Variants in ATP2B4 observed in about 807,000 individuals in gnomAD.
ATP2B4 encodes ATPase plasma membrane Ca2+ transporting 4.
ATP2B4 carries 39 observed loss-of-function variants against 110.3 expected under a neutral mutation model. The observed-to-expected ratio is 0.35, with a 90% CI of 0.27 to 0.46. The LOEUF is 0.46. Ranked by LOEUF, ATP2B4 falls within the 20% of genes least tolerant of loss-of-function variation. The probability of loss-of-function intolerance (pLI) is 1.00; values close to 1 mark genes in which losing one functional copy is unlikely to be tolerated. For synonymous variants in ATP2B4, 538 were observed against 571.7 expected (o/e 0.94, Z 0.84); for missense variants, 1,135 against 1,530.9 (o/e 0.74, Z 4.32).
At chr1:203,703,510 G>A in intron 7 of ATP2B4, 142 bp from the exon 8 acceptor site, 1 of 851,988 alleles carries the variant, frequency 1.2e-6, no homozygotes. Context: ...TGTCTAGCAT[G>A]GGTTGGAAGT....
chr1:203,722,371 A>T, intron 17 of ATP2B4, 107 bp from the exon 18 acceptor site: 1 of 858,120 alleles, frequency 1.2e-6, no homozygotes, highest in Non-Finnish European at 1.9e-6. Context: ...GATATTGATT[A>T]ATTAGAATGG....
chr1:203,672,451 C>T (rs898751606), intron 1 of ATP2B4, among the ~76,000 whole-genome samples: 5 of 150,642 alleles, frequency 3.3e-5, no homozygotes, highest in Admixed American at 1.3e-4. Context: ...ATAGCTTTAC[C>T]GTCGCTGGGC....
chr1:203,723,461 C>CTCTCTCT (rs1666407930), intron 18 of ATP2B4, among the ~76,000 whole-genome samples: 2 of 67,670 alleles, frequency 3.0e-5, no homozygotes, highest in African/African-American at 1.0e-4. Flanking sequence ...TCTCTCTCTC[C>CTCTCTCT]CTCTGCCTCT....
chr1:203,721,296 T>C lies in ATP2B4; in HGVS notation c.2698T>C (p.Leu900=). 1.2e-6 allele frequency: 2 copies of C among 1,614,260 alleles called. No homozygotes were observed. The highest frequency in any genetic ancestry group is 1.7e-6 in the Non-Finnish European group (2 of 1,180,044). Residue 900 remains leucine, a synonymous_variant, in exon 17 of 21, where the codon TTG becomes CTG. Coordinates refer to ENST00000357681, the MANE Select transcript of ATP2B4 (RefSeq NM_001684.5). ...CACAGAGCCCCCTACGGAATCTCTG[T>C]TGAAGCGGCGCCCCTATGGCCGAAA... ...LATEPPTESL[L]KRRPYGRNKP...
rs1342358911 is a variant in ATP2B4 at position 203,739,814 on chromosome 1, A to G, written c.3578A>G (p.Gln1193Arg). ...AVDCNQVQLPQSDSSLQSLET... is the reference protein window; with the variant it reads ...AVDCNQVQLPRSDSSLQSLET... ...GATTGCAACCAAGTGCAGCTCCCCC[A>G]GTCGGACAGCTCTCTACAGAGCCTA... The change falls in exon 21 of 21, where the codon CAG becomes CGG. Residue 1193 changes from glutamine (Q) to arginine (R), a missense_variant. Transcript: ENST00000357681. 4.3e-6 allele frequency: 7 copies of G among 1,614,146 alleles called. No homozygotes were observed. The highest frequency in any genetic ancestry group is 1.7e-6 in the Non-Finnish European group (2 of 1,180,024).
At chr1:203,666,491 G>A (rs1664506957) in intron 1 of ATP2B4, among the ~76,000 whole-genome samples, 1 of 152,156 alleles carries the variant, frequency 6.6e-6, no homozygotes, top group South Asian at 2.1e-4. Context: ...AGAGTCTTTG[G>A]AGGGCCTTCG....
intron 1 of ATP2B4, among the ~76,000 whole-genome samples, chr1:203,668,253 C>A (rs1296041169): frequency 6.6e-6 from 1 of 152,060 alleles, no homozygotes; most frequent in Non-Finnish European, 1.5e-5. Context: ...CTTGAGTGGT[C>A]AGCTTCTTTG....
intron 5 of ATP2B4, 141 bp downstream of exon 5, chr1:203,700,472 G>T: frequency 1.7e-6 from 2 of 1,189,462 alleles, no homozygotes; most frequent in East Asian, 2.5e-5. Context: ...TTGGTGGGTG[G>T]AATACAAGGA....
Position 203,741,454 on chromosome 1 carries a change from C to T in ATP2B4, c.*1600C>T, listed in dbSNP as rs1161645702. Reference sequence around the variant, plus strand: ...GTTTGCAGGAGCTCCATTTGTATCCCTGCTGGTGTTGACTTCTGTGTAGGG... The same window carrying T: ...GTTTGCAGGAGCTCCATTTGTATCCTTGCTGGTGTTGACTTCTGTGTAGGG... On this transcript the variant is annotated 3_prime_UTR_variant, in exon 21 of 21. Transcript: ENST00000357681. 2.6e-5 allele frequency: 4 copies of T among 152,744 alleles called. No individual in the cohort carries two copies. The highest frequency in any genetic ancestry group is 2.9e-5 in the Non-Finnish European group (2 of 68,042). 9.5% of individuals were successfully genotyped at this position (152,744 alleles called of 1,614,324 possible).
intron 15 of ATP2B4, among the ~76,000 whole-genome samples, chr1:203,718,352 G>A (rs1042440836): frequency 2.8e-4 from 42 of 152,162 alleles, no homozygotes; most frequent in African/African-American, 9.6e-4. Context: ...AGGCTGGAGT[G>A]CAGTGGCATG....
At chr1:203,692,399 G>T (rs764888199) in intron 2 of ATP2B4, among the ~76,000 whole-genome samples, 2 of 152,006 alleles carry the variant, frequency 1.3e-5, no homozygotes, top group East Asian at 3.9e-4. Context: ...GGCTGGTCTC[G>T]AACTCCTGAG....
chr1:203,732,691 A>C (rs890533374), intron 20 of ATP2B4, among the ~76,000 whole-genome samples: 1 of 152,114 alleles, frequency 6.6e-6, no homozygotes, highest in Non-Finnish European at 1.5e-5. Flanking sequence ...TTGCCTTCAG[A>C]ATCTTCAATT....
At chr1:203,698,983 C>T (rs1354620264) in intron 3 of ATP2B4, among the ~76,000 whole-genome samples, 1 of 152,132 alleles carries the variant, frequency 6.6e-6, no homozygotes, top group Non-Finnish European at 1.5e-5. Context: ...CTATGTTGCC[C>T]AGGTTGGTCT....
At chr1:203,725,955 G>A (rs1353854411) in intron 19 of ATP2B4, among the ~76,000 whole-genome samples, 1 of 131,374 alleles carries the variant, frequency 7.6e-6, no homozygotes, top group East Asian at 2.2e-4. Context: ...GCCAGGCGCA[G>A]TGGCTCACAC....
intron 20 of ATP2B4, among the ~76,000 whole-genome samples, chr1:203,731,917 G>T (rs535997825): frequency 1.4e-5 from 2 of 146,594 alleles, no homozygotes; most frequent in South Asian, 4.5e-4. Context: ...AGTGGCTCAC[G>T]CCTGTAATCC....
At chr1:203,673,445 G>A (rs528280639) in intron 1 of ATP2B4, among the ~76,000 whole-genome samples, 16 of 152,352 alleles carry the variant, frequency 1.1e-4, no homozygotes, top group African/African-American at 3.4e-4. Flanking sequence ...TAAAACAGGC[G>A]CAGAGGGGTG....
chr1:203,679,743 A>T (rs566723189), intron 1 of ATP2B4, among the ~76,000 whole-genome samples: 2 of 152,254 alleles, frequency 1.3e-5, no homozygotes, highest in East Asian at 3.9e-4. Context: ...TTAGCTGGGC[A>T]TGGTGGCATG....
chr1:203,711,911 A>G (rs1666019086), intron 12 of ATP2B4, 49 bp from the exon 13 acceptor site: 1 of 1,586,672 alleles, frequency 6.3e-7, no homozygotes, highest in Non-Finnish European at 8.6e-7. Flanking sequence ...ACAGCTTACC[A>G]GGGTCATCAC....
chr1:203,676,011 T>C (rs1051169225), intron 1 of ATP2B4, among the ~76,000 whole-genome samples: 1 of 152,104 alleles, frequency 6.6e-6, no homozygotes, highest in Non-Finnish European at 1.5e-5. Flanking sequence ...AGGGGCTAGC[T>C]GAAAATTAGC....
Sources: gnomAD v4.1 joint callset for allele counts (sites outside exome capture counted in the v4.1 genomes callset) on GRCh38, gnomAD v4.1.1 for gene constraint, MANE v1.5 for transcripts, NCBI Gene and HGNC (gene_info 2026-07-23, HGNC 2026-07-21) for gene names.